ARSK: variants seen among roughly 807,000 people sequenced by gnomAD.
ARSK encodes the protein arylsulfatase family member K, also known as arylsulfatase K.
ARSK carries 37 observed loss-of-function variants against 53.2 expected under a neutral mutation model. The ratio of observed to expected loss-of-function variants is 0.70; its 90% CI spans 0.54 to 0.92. The LOEUF is 0.92. Ranked by LOEUF, ARSK falls within the 40% of genes least tolerant of loss-of-function variation. The pLI is 0.00. For missense variants in ARSK, 613 were observed against 643.0 expected, an observed-to-expected ratio of 0.95 and a Z score of 0.51; for synonymous variants, 208 against 223.2, an observed-to-expected ratio of 0.93 and a Z score of 0.61.
intron 1 of ARSK, among the ~76,000 whole-genome samples, chr5:95,558,195 C>T (rs899183647): frequency 3.3e-5 from 5 of 152,130 alleles, no homozygotes; most frequent in African/African-American, 7.2e-5. Context: ...TTCAGTCAGC[C>T]CCCACTTACA....
chr5:95,603,253 A>G lies in ARSK; in HGVS notation c.1338A>G (p.Pro446=), dbSNP rs766002426. Residue 446 remains proline (P), a synonymous_variant, in exon 8 of 8, where the codon CCA becomes CCG. Coordinates refer to ENST00000380009, the MANE Select transcript of ARSK (RefSeq NM_198150.3). ...TTCTTTCAGATCTTTCCTCGGATCC[A>G]GATGAATTAACAAATGTTGCTGTAA... is the stretch of plus-strand genomic sequence containing the variant. ...LPQLFDLSSD[P]DELTNVAVKF... The G allele has an allele frequency of 3.2e-6, 5 of 1,577,068 alleles. No homozygotes were observed. The highest frequency in any genetic ancestry group is 1.9e-5 in the Admixed American group (1 of 53,864).
chr5:95,555,317 G>C lies in ARSK; in HGVS notation c.39G>C (p.Ala13=). ...LLWVSVVAAL[A]LAVLAPGAGE... is the part of the protein sequence containing the mutation. ...GGGTGTCGGTGGTCGCAGCCTTGGCGCTGGCGGTACTGGCCCCCGGAGCAG... is the reference window on the plus strand; with the variant it reads ...GGGTGTCGGTGGTCGCAGCCTTGGCCCTGGCGGTACTGGCCCCCGGAGCAG... The change falls in exon 1 of 8, where the codon GCG becomes GCC. Residue 13 remains alanine, a synonymous_variant. Transcript: ENST00000380009. The surrounding 1 kb of genome is among the most constrained non-coding windows in gnomAD (Gnocchi z 4.0). 1 of 1,597,830 alleles carries C rather than the reference G, an allele frequency of 6.3e-7. No homozygotes were observed. The highest frequency in any genetic ancestry group is 2.3e-5 in the East Asian group (1 of 44,296).
In ARSK at chr5:95,601,662, A is replaced by G. The variant is rs57520226; in HGVS notation, c.1321+591A>G. On this transcript the variant is annotated intron_variant, in intron 7 of 7. Coordinates refer to ENST00000380009, the MANE Select transcript of ARSK (RefSeq NM_198150.3). ...ATTTTTAAGCAGCATTTTTAGATTCAGGGTTTTACTCATCCTTTGTCCCCA... is the reference window on the plus strand; with the variant it reads ...ATTTTTAAGCAGCATTTTTAGATTCGGGGTTTTACTCATCCTTTGTCCCCA... Among the ~76,000 whole-genome samples the G allele has an allele frequency of 8.9e-3, 1,360 of 152,322 alleles. 20 individuals carry two copies. The highest frequency in any genetic ancestry group is 0.03 in the African/African-American group (1,263 of 41,572).
Position 95,604,696 on chromosome 5 carries a change from C to A in ARSK, c.*1170C>A, listed in dbSNP as rs1050463462. 1.3e-5 allele frequency: 2 copies of A among 152,128 alleles called. No homozygotes were observed. The highest frequency in any genetic ancestry group is 2.9e-5 in the Non-Finnish European group (2 of 68,040). 9.4% of individuals were successfully genotyped at this position (152,128 alleles called of 1,614,324 possible). On this transcript the variant is annotated 3_prime_UTR_variant, in exon 8 of 8. Coordinates refer to ENST00000380009, the MANE Select transcript of ARSK (RefSeq NM_198150.3). ...TGCATGTCTTCTTATCCTTTGCCAA[C>A]CTAACAGATAAAAATGTTCTATTTT...
At chr5:95,559,931 T>C (rs919924437) in intron 1 of ARSK, among the ~76,000 whole-genome samples, 2 of 152,186 alleles carry the variant, frequency 1.3e-5, no homozygotes, top group African/African-American at 4.8e-5. Flanking sequence ...AGTAATCTTG[T>C]ATGTAGGATT....
At chr5:95,577,003 A>G (rs1420029655) in intron 3 of ARSK, among the ~76,000 whole-genome samples, 1 of 152,216 alleles carries the variant, frequency 6.6e-6, no homozygotes, top group Non-Finnish European at 1.5e-5. Context: ...TTAGGTGCCC[A>G]TACCTGGCCA....
At chr5:95,565,856 C>G in intron 1 of ARSK, 142 bp from the exon 2 acceptor site, 1 of 747,946 alleles carries the variant, frequency 1.3e-6, no homozygotes, top group Non-Finnish European at 2.1e-6. Flanking sequence ...TGGAAACACC[C>G]TCTATACTTG....
At chr5:95,573,067 T>G in intron 3 of ARSK, among the ~76,000 whole-genome samples, 1 of 152,174 alleles carries the variant, frequency 6.6e-6, no homozygotes, top group Non-Finnish European at 1.5e-5. Context: ...AAGTCCAAAA[T>G]GTCTTTAGTA....
chr5:95,567,147 G>A (rs145083558), intron 2 of ARSK, among the ~76,000 whole-genome samples: 153 of 152,190 alleles, frequency 1.0e-3, no homozygotes, highest in African/African-American at 3.7e-3. Context: ...ATTAAATAAC[G>A]AATGAGAAAG....
intron 2 of ARSK, among the ~76,000 whole-genome samples, chr5:95,566,607 C>G (rs1488819806): frequency 6.6e-6 from 1 of 152,132 alleles, no homozygotes; most frequent in Non-Finnish European, 1.5e-5. Context: ...TCTCAATTCA[C>G]TTTTATCCCA....
At position 95,586,667 on chromosome 5, in the gene ARSK, A is replaced by G. The variant is rs201849642; in HGVS notation, c.805A>G (p.Lys269Glu). Residue 269 changes from lysine to glutamate, a missense_variant, in exon 5 of 8, where the codon AAA becomes GAA. Physicochemically the swap from Lys to Glu is moderately conservative, Grantham distance 56. Coordinates refer to ENST00000380009, the MANE Select transcript of ARSK (RefSeq NM_198150.3). Reference sequence around the variant, plus strand: ...AAAAAACTGCACTGGAAGATTTACAAAAAAAGAAATTAAGAATATTAGAGC... The same window carrying G: ...AAAAAACTGCACTGGAAGATTTACAGAAAAAGAAATTAAGAATATTAGAGC... ...YTKNCTGRFT[K>E]KEIKNIRAFY... 7.4e-5 allele frequency: 119 copies of G among 1,612,058 alleles called. No homozygotes were observed. The highest frequency in any genetic ancestry group is 6.7e-4 in the Admixed American group (40 of 59,822).
intron 3 of ARSK, chr5:95,581,056 G>T (rs1749013687): frequency 2.0e-6 from 1 of 508,970 alleles, no homozygotes; most frequent in African/African-American, 2.0e-5. Context: ...TCATGCTAAA[G>T]CCATGCTTAT....
At chr5:95,559,090 C>T (rs1243771691) in intron 1 of ARSK, among the ~76,000 whole-genome samples, 3 of 152,206 alleles carry the variant, frequency 2.0e-5, no homozygotes, top group African/African-American at 2.4e-5. Context: ...TGCAGTGAGC[C>T]GAGACGTGCC....
chr5:95,588,082 A>C (rs2112438235), intron 5 of ARSK, among the ~76,000 whole-genome samples: 1 of 152,248 alleles, frequency 6.6e-6, no homozygotes, highest in African/African-American at 2.4e-5. Context: ...TGCATTTGAA[A>C]GTTTATAGCC....
chr5:95,557,754 T>C (rs142547503), intron 1 of ARSK, among the ~76,000 whole-genome samples: 6 of 152,300 alleles, frequency 3.9e-5, no homozygotes, highest in Admixed American at 2.6e-4. Flanking sequence ...AGGAAGAAAA[T>C]AGCAAATTGG....
rs139229523 is a variant in ARSK at position 95,596,328 on chromosome 5, G to C, written c.1097-4519G>C. Among the ~76,000 whole-genome samples, 627 of 152,214 alleles carry C rather than the reference G, an allele frequency of 4.1e-3. 5 individuals are homozygous for C. Among genetic ancestry groups the C allele is most frequent in the African/African-American group, 0.014 (596 of 41,550 alleles). On this transcript the variant is annotated intron_variant, in intron 6 of 7. Coordinates refer to ENST00000380009, the MANE Select transcript of ARSK (RefSeq NM_198150.3). ...AATTAGGAGCTTAAAATAGATATAA[G>C]CAAGTATCTATTCTTAGAGCTCTCA... is the stretch of plus-strand genomic sequence containing the variant.
intron 5 of ARSK, among the ~76,000 whole-genome samples, chr5:95,589,741 A>G (rs1016261902): frequency 6.6e-6 from 1 of 152,202 alleles, no homozygotes; most frequent in African/African-American, 2.4e-5. Context: ...GTGAACACAC[A>G]TGTGCATGTA....
chr5:95,572,550 G>T (rs1257158227), intron 3 of ARSK, among the ~76,000 whole-genome samples: 1 of 152,084 alleles, frequency 6.6e-6, no homozygotes, highest in East Asian at 1.9e-4. Flanking sequence ...AGGCCGAGGC[G>T]GGCAGATCAC....
intron 3 of ARSK, among the ~76,000 whole-genome samples, chr5:95,579,091 A>AT (rs1748977558): frequency 6.6e-6 from 1 of 152,158 alleles, no homozygotes; most frequent in Non-Finnish European, 1.5e-5. Context: ...CTACTGTTGA[A>AT]GCTCCATTTT....
Sources: gnomAD v4.1 joint callset for allele counts (sites outside exome capture counted in the v4.1 genomes callset) on GRCh38, gnomAD v4.1.1 for gene constraint, Gnocchi (gnomAD v3.1) non-coding constraint, MANE v1.5 for transcripts, NCBI Gene and HGNC (gene_info 2026-07-23, HGNC 2026-07-21) for gene names.